CYP51A1: variants seen among roughly 807,000 people sequenced by gnomAD.
The protein encoded by CYP51A1 is cytochrome P450 family 51 subfamily A member 1.
CYP51A1 carries 45 observed loss-of-function variants against 53.5 expected under a neutral mutation model. The observed-to-expected ratio is 0.84, with a 90% CI of 0.66 to 1.08. The LOEUF is 1.08. Ranked by LOEUF, CYP51A1 falls within the 50% of genes least tolerant of loss-of-function variation. CYP51A1 has a pLI of 0.00. For synonymous variants in CYP51A1, 181 were observed against 217.7 expected (o/e 0.83, Z 1.48); for missense variants, 462 against 621.7 (o/e 0.74, Z 2.73).
intron 3 of CYP51A1, 117 bp from the exon 4 acceptor site, chr7:92,127,748 T>G: frequency 9.7e-7 from 1 of 1,031,084 alleles, no homozygotes; most frequent in Non-Finnish European, 1.4e-6. Context: ...TTTAACCCTT[T>G]GGGCATTTAC....
intron 5 of CYP51A1, among the ~76,000 whole-genome samples, chr7:92,125,624 G>A (rs1819783187): frequency 6.6e-6 from 1 of 152,186 alleles, no homozygotes; most frequent in Non-Finnish European, 1.5e-5. Context: ...TTTCAAACAA[G>A]TGCTAGAGAA....
At chr7:92,115,380 T>A (rs1194939869) in intron 9 of CYP51A1, among the ~76,000 whole-genome samples, 2 of 152,150 alleles carry the variant, frequency 1.3e-5, no homozygotes, top group East Asian at 3.9e-4. Flanking sequence ...ACTGGTGTCC[T>A]TATAAGAATG....
At chr7:92,127,037 G>A (rs1438295137) in intron 4 of CYP51A1, among the ~76,000 whole-genome samples, 1 of 152,128 alleles carries the variant, frequency 6.6e-6, no homozygotes, top group Admixed American at 6.5e-5. Flanking sequence ...TCAATAAAAA[G>A]AATATCAGTA....
intron 7 of CYP51A1, among the ~76,000 whole-genome samples, chr7:92,120,032 AT>A (rs1269068216): frequency 1.3e-5 from 2 of 152,216 alleles, no homozygotes; most frequent in Admixed American, 6.5e-5. Context: ...CATCAAAAAA[AT>A]AACAATAATA....
rs528523424 is a variant in CYP51A1 at position 92,128,995 on chromosome 7, T to G, written c.353A>C (p.Asp118Ala). 2.5e-6 allele frequency: 4 copies of G among 1,613,894 alleles called. No individual in the cohort carries two copies. In the Admixed American group the frequency reaches 6.7e-5, roughly 27 times the overall value. The stretch of plus-strand genomic sequence containing the variant: ...ACTATTAAAAAGCAGTGCAGCAGCA[T>G]CACTCCCCAGAAGGTAAGTAAATGT... ...GKTFTYLLGSDAAALLFNSKN... is the reference protein window; with the variant it reads ...GKTFTYLLGSAAAALLFNSKN... Residue 118 changes from aspartate to alanine, a missense_variant, in exon 3 of 10, where the codon GAT (aspartate) becomes GCT (alanine). Transcript: ENST00000003100.
At chr7:92,119,074 T>C (rs1459959674) in intron 7 of CYP51A1, among the ~76,000 whole-genome samples, 1 of 152,154 alleles carries the variant, frequency 6.6e-6, no homozygotes, top group Non-Finnish European at 1.5e-5. Context: ...ATGACAACTA[T>C]AGCAGCTGTG....
intron 3 of CYP51A1, among the ~76,000 whole-genome samples, chr7:92,128,459 CGT>C (rs1194518183): frequency 1.9e-3 from 266 of 138,490 alleles, no homozygotes; most frequent in Non-Finnish European, 3.4e-3. Context: ...TGTGTGTGCG[CGT>C]GCGTGTGTGT....
chr7:92,128,428 CTGTG>C (rs1554479142), intron 3 of CYP51A1, among the ~76,000 whole-genome samples: 5,215 of 143,090 alleles, frequency 0.036, 265 homozygotes, highest in African/African-American at 0.12. Flanking sequence ...TGGTTGGTTT[CTGTG>C]TGTGTGTGTG....
intron 9 of CYP51A1, among the ~76,000 whole-genome samples, chr7:92,115,552 C>T (rs2130941011): frequency 6.6e-6 from 1 of 152,278 alleles, no homozygotes; most frequent in South Asian, 2.1e-4. Context: ...GAGCACGGTC[C>T]TGCCAATACC....
At chr7:92,120,469 TCAGAGA>T (rs1174855473) in intron 7 of CYP51A1, among the ~76,000 whole-genome samples, 1 of 152,246 alleles carries the variant, frequency 6.6e-6, no homozygotes, top group Non-Finnish European at 1.5e-5. Flanking sequence ...ATTTATTTTT[TCAGAGA>T]CAGGGTTTCG....
chr7:92,131,794 G>A lies in CYP51A1; in HGVS notation c.271C>T (p.Leu91=). 6.5e-7 allele frequency: 1 copy of A among 1,532,262 alleles called. No individual in the cohort carries two copies. Among genetic ancestry groups the A allele is most frequent in the East Asian group, 2.3e-5 (1 of 43,330 alleles). 94.9% of individuals were successfully genotyped at this position (1,532,262 alleles called of 1,614,324 possible). Residue 91 remains leucine (L), a synonymous_variant, in exon 2 of 10, where the codon CTA becomes TTA. Coordinates refer to ENST00000003100, the MANE Select transcript of CYP51A1 (RefSeq NM_000786.4). ...CTTACCTTCTCATATGCATTTTCTAGAAATTCAATTGGACTTTTCCCAAAT... is the reference window on the plus strand; with the variant it reads ...CTTACCTTCTCATATGCATTTTCTAAAAATTCAATTGGACTTTTCCCAAAT... The part of the protein sequence containing the change: ...IAFGKSPIEF[L]ENAYEKYGPV...
chr7:92,113,949 A>G, intron 9 of CYP51A1, 106 bp from the exon 10 acceptor site: 1 of 648,736 alleles, frequency 1.5e-6, no homozygotes, highest in Non-Finnish European at 2.5e-6. Flanking sequence ...TGTACAGATA[A>G]TATAATAAAA....
chr7:92,134,691 A>G, upstream of CYP51A1: 1 of 292,734 alleles, frequency 3.4e-6, no homozygotes, highest in Non-Finnish European at 6.4e-6. Flanking sequence ...ATCCCTGAGA[A>G]TCGCGGGCGA....
chr7:92,131,858 G>T lies in CYP51A1; in HGVS notation c.207C>A (p.Tyr69Ter). Residue 69 changes from tyrosine (Y) to a stop codon, truncating the protein, a stop_gained, in exon 2 of 10, where the codon TAC becomes TAA. Transcript: ENST00000003100. LOFTEE classifies it high-confidence loss of function. ...CAAGGAATGGAATTGGGGAGAAAATGTATGGAGGACTTTTCTACAAGAGAA... is the reference window on the plus strand; with the variant it reads ...CAAGGAATGGAATTGGGGAGAAAATTTATGGAGGACTTTTCTACAAGAGAA... ...QLPAGVKSPP[Y>*]IFSPIPFLGH... 6.3e-7 allele frequency: 1 copy of T among 1,585,712 alleles called. No homozygotes were observed. Among genetic ancestry groups the T allele is most frequent in the Non-Finnish European group, 8.6e-7 (1 of 1,156,786 alleles).
At chr7:92,114,946 G>A (rs1008712236) in intron 9 of CYP51A1, among the ~76,000 whole-genome samples, 3 of 152,166 alleles carry the variant, frequency 2.0e-5, no homozygotes, top group Non-Finnish European at 2.9e-5. Context: ...TTATTTCTAG[G>A]AGTGACATTT....
intron 7 of CYP51A1, among the ~76,000 whole-genome samples, chr7:92,120,039 T>C (rs1428295919): frequency 1.3e-5 from 2 of 151,994 alleles, no homozygotes; most frequent in African/African-American, 4.8e-5. Flanking sequence ...AAAATAACAA[T>C]AATAAAATAC....
At chr7:92,134,682 T>G, upstream of CYP51A1, 1 of 314,954 alleles carries the variant, frequency 3.2e-6, no homozygotes, top group Non-Finnish European at 5.9e-6. Flanking sequence ...AGGCGATCAA[T>G]CCCTGAGAAT....
chr7:92,113,795 G>A lies in CYP51A1; in HGVS notation c.1400C>T (p.Thr467Ile), dbSNP rs748115797. 1.2e-6 allele frequency: 2 copies of A among 1,610,398 alleles called. No homozygotes were observed. Among genetic ancestry groups the A allele is most frequent in the South Asian group, 2.2e-5 (2 of 90,372 alleles). ...GENFAYVQIK[T>I]IWSTMLRLYE... ...TAAACGAAGCATAGTGGACCAAATT[G>A]TCTTAATTTGAACATAGGCAAAATT... Residue 467 changes from threonine (T) to isoleucine (I), a missense_variant, in exon 10 of 10, where the codon ACA becomes ATA. Physicochemically the swap from Thr to Ile is moderately conservative, Grantham distance 89 (BLOSUM62 -1). Transcript: ENST00000003100.
Position 92,113,608 on chromosome 7 carries a change from C to T in CYP51A1, c.*57G>A, listed in dbSNP as rs1433444473. ...GTTGTTTTGTACACTTCATTCTCTTCGAATGCCTTTGTGGCTTACAGTGAT... is the reference window on the plus strand; with the variant it reads ...GTTGTTTTGTACACTTCATTCTCTTTGAATGCCTTTGTGGCTTACAGTGAT... On this transcript the variant is annotated 3_prime_UTR_variant, in exon 10 of 10. Transcript: ENST00000003100. The T allele has an allele frequency of 2.7e-6, 4 of 1,495,376 alleles. No homozygotes were observed. The highest frequency in any genetic ancestry group is 1.9e-5 in the Admixed American group (1 of 53,258). 92.6% of individuals were successfully genotyped at this position (1,495,376 alleles called of 1,614,324 possible).
Sources: allele counts gnomAD v4.1 joint callset (sites outside exome capture counted in the v4.1 genomes callset), GRCh38; gene constraint gnomAD v4.1.1; transcripts MANE v1.5; gene names NCBI Gene and HGNC (gene_info 2026-07-23, HGNC 2026-07-21).